Variants in CCDC187 observed in about 807,000 individuals in gnomAD.
CCDC187 encodes coiled-coil domain containing 187.
In CCDC187, 32 loss-of-function variants were observed where a neutral mutation model predicts 38.0. The observed-to-expected ratio is 0.84, with a 90% confidence interval of 0.64 to 1.13. The LOEUF (loss-of-function observed/expected upper bound fraction) is 1.13. CCDC187 is among the 50% of genes most tolerant of loss of function. CCDC187 has a pLI of 0.00. For synonymous variants in CCDC187, 333 were observed against 347.9 expected (o/e 0.96, Z 0.48); for missense variants, 707 against 786.8 (o/e 0.90, Z 1.21).
rs1218634792 is a variant in CCDC187 at position 136,250,675 on chromosome 9, C to G, written c.*2919G>C. On this transcript the variant is annotated 3_prime_UTR_variant, in exon 26 of 26. Transcript: ENST00000638797. The stretch of plus-strand genomic sequence containing the variant: ...AGCAGGAACACATTCCCCACTGGAT[C>G]CAAACATCTGCATTCTCAGGTGGGC... The G allele has an allele frequency of 4.4e-6, 2 of 451,430 alleles. No individual in the cohort carries two copies. Among genetic ancestry groups the G allele is most frequent in the Admixed American group, 2.4e-5 (1 of 42,294 alleles). The allele number at this position is 451,430 out of a possible 1,614,324, so 28.0% of individuals were successfully genotyped here. A position where few individuals can be genotyped will look rare whatever the true frequency, so the allele number is the denominator to read the frequency against.
rs868953153 is a variant in CCDC187, at chr9:136,250,737, G to A, written c.*2857C>T. 9 of 456,174 alleles carry A rather than the reference G, an allele frequency of 2.0e-5. No homozygotes were observed. The highest frequency in any genetic ancestry group is 1.2e-4 in the African/African-American group (6 of 50,086). The allele number at this position is 456,174 out of a possible 1,614,324, so 28.3% of individuals were successfully genotyped here. A position where few individuals can be genotyped will look rare whatever the true frequency, so the allele number is the denominator to read the frequency against. The stretch of plus-strand genomic sequence containing the variant: ...TGGTGCAAAATCAGATGCATGGCCC[G>A]AGCTGGGCTTCCTGTGCACATGGTG... On this transcript the variant is annotated 3_prime_UTR_variant, in exon 26 of 26. Coordinates refer to ENST00000638797, the MANE Select transcript of CCDC187 (RefSeq NM_001378188.1).
chr9:136,279,001 G>GT (rs1474435716), intron 10 of CCDC187, among the ~76,000 whole-genome samples: 2 of 152,244 alleles, frequency 1.3e-5, no homozygotes, highest in Admixed American at 1.3e-4. Context: ...TAGTCTACAT[G>GT]TTTAAGTCTA....
rs1164329273 is a variant in CCDC187 at position 136,264,952 on chromosome 9, A to C, written c.3735+1004T>G. Among the ~76,000 whole-genome samples, 1 of 152,006 alleles carries C rather than the reference A, an allele frequency of 6.6e-6. No homozygotes were observed. Among genetic ancestry groups the C allele is most frequent in the African/African-American group, 2.4e-5 (1 of 41,382 alleles). On this transcript the variant is annotated intron_variant, in intron 17 of 25. Transcript: ENST00000638797. This position sits in a 1 kb window ranked among gnomAD's most constrained non-coding sequence, Gnocchi z 4.3. ...TTTTTTGTAGAGACGGGGTCTTGCT[A>C]TGTTGCCCAGGCCTGTCTCACATTC...
At chr9:136,293,271 TCACACTAACATGCTCA>T (rs1831396441) in intron 4 of CCDC187, among the ~76,000 whole-genome samples, 1 of 133,098 alleles carries the variant, frequency 7.5e-6, no homozygotes, top group Admixed American at 7.7e-5. Context: ...ACTCATGCTT[TCACACTAACATGCTCA>T]CACACTCACA....
At chr9:136,266,441 A>C (rs1171421231) in intron 16 of CCDC187, 1 of 152,222 alleles carries the variant, frequency 6.6e-6, no homozygotes, top group Non-Finnish European at 1.5e-5. Context: ...CCGGGTGAGG[A>C]TGTTAACTGG....
chr9:136,270,228 C>T (rs975668059), intron 14 of CCDC187, among the ~76,000 whole-genome samples: 22 of 152,144 alleles, frequency 1.4e-4, no homozygotes, highest in African/African-American at 5.3e-4. Flanking sequence ...AAAGAGAAAA[C>T]AGCTGGGCCC....
At chr9:136,293,827 C>T (rs1212982878) in intron 4 of CCDC187, among the ~76,000 whole-genome samples, 1 of 146,110 alleles carries the variant, frequency 6.8e-6, no homozygotes, top group East Asian at 2.0e-4. Flanking sequence ...CTCACACTCA[C>T]ACTACCACAC....
intron 10 of CCDC187, among the ~76,000 whole-genome samples, chr9:136,278,400 G>A (rs1217399708): frequency 2.0e-5 from 3 of 152,218 alleles, no homozygotes; most frequent in Non-Finnish European, 4.4e-5. Flanking sequence ...GCTCTGAGCT[G>A]TGACCCCGGA....
At chr9:136,293,773 C>T (rs1831446129) in intron 4 of CCDC187, among the ~76,000 whole-genome samples, 1 of 151,768 alleles carries the variant, frequency 6.6e-6, no homozygotes, top group Non-Finnish European at 1.5e-5. Flanking sequence ...GACATGCTCA[C>T]ACACGGTCTC....
At position 136,267,445 on chromosome 9, in the gene CCDC187, G is replaced by C; in HGVS notation, c.3586C>G (p.Arg1196Gly). 1.0e-6 allele frequency: 1 copy of C among 985,596 alleles called. No individual in the cohort carries two copies. Among genetic ancestry groups the C allele is most frequent in the Non-Finnish European group, 1.2e-6 (1 of 830,054 alleles). 61.1% of individuals were successfully genotyped at this position (985,596 alleles called of 1,614,324 possible). A position where few individuals can be genotyped will look rare whatever the true frequency, so the allele number is the denominator to read the frequency against. The change falls in exon 16 of 26, where the codon CGA (arginine) becomes GGA (glycine). Residue 1196 changes from arginine (R) to glycine (G), a missense_variant. Transcript: ENST00000638797. ...GTTTTCTCCTGGAGCGCCATCTCTC[G>C]CAGGCGCAGCAGCGCGGCCTGGTGC... ...AQHQAALLRL[R>G]EMALQEKTLA...
intron 4 of CCDC187, among the ~76,000 whole-genome samples, chr9:136,294,622 C>A (rs967477489): frequency 7.2e-5 from 11 of 152,234 alleles, no homozygotes; most frequent in African/African-American, 2.7e-4. Context: ...TAGCACCCCC[C>A]AGACACGGCA....
intron 14 of CCDC187, among the ~76,000 whole-genome samples, chr9:136,270,173 C>T (rs1830816388): frequency 6.6e-6 from 1 of 152,134 alleles, no homozygotes; most frequent in African/African-American, 2.4e-5. Flanking sequence ...TCCCCATGTG[C>T]GGAGATGAGA....
At chr9:136,293,789 C>G (rs1297054310) in intron 4 of CCDC187, among the ~76,000 whole-genome samples, 1 of 152,120 alleles carries the variant, frequency 6.6e-6, no homozygotes, top group Non-Finnish European at 1.5e-5. Context: ...GTCTCATCCT[C>G]ACACACTTTC....
intron 12 of CCDC187, among the ~76,000 whole-genome samples, chr9:136,275,748 G>A (rs1047874071): frequency 6.6e-6 from 1 of 152,226 alleles, no homozygotes; most frequent in African/African-American, 2.4e-5. Context: ...GCTGCCTTTC[G>A]GAGGGGACAC....
chr9:136,300,999 G>T (rs1331544829), intron 2 of CCDC187, among the ~76,000 whole-genome samples: 1 of 152,214 alleles, frequency 6.6e-6, no homozygotes, highest in Non-Finnish European at 1.5e-5. Context: ...CACGACGCAG[G>T]CATCTCACAC....
chr9:136,252,264 C>T lies in CCDC187; in HGVS notation c.*1330G>A, dbSNP rs1830554458. ...CCCCGGGAAGGTCCAGGCGACCGTC[C>T]TGCGGAGCCGGCCGCCCACCTGGTC... On this transcript the variant is annotated 3_prime_UTR_variant, in exon 26 of 26. Transcript: ENST00000638797. The T allele has an allele frequency of 2.3e-5, 3 of 133,306 alleles. No homozygotes were observed. Among genetic ancestry groups the T allele is most frequent in the South Asian group, 3.3e-4 (2 of 6,134 alleles). The allele number at this position is 133,306 out of a possible 1,614,324, so 8.3% of individuals were successfully genotyped here.
intron 10 of CCDC187, 181 bp downstream of exon 10, chr9:136,281,370 G>A (rs983100674): frequency 1.8e-5 from 7 of 398,404 alleles, no homozygotes; most frequent in African/African-American, 8.2e-5. Flanking sequence ...CACAGAGCAC[G>A]CAGAGGGTCC....
chr9:136,262,452 G>A lies in CCDC187; in HGVS notation c.3923C>T (p.Pro1308Leu), dbSNP rs1830690856. 1.0e-6 allele frequency: 1 copy of A among 985,640 alleles called. No homozygotes were observed. Among genetic ancestry groups the A allele is most frequent in the Non-Finnish European group, 1.2e-6 (1 of 830,154 alleles). The allele number at this position is 985,640 out of a possible 1,614,324, so 61.1% of individuals were successfully genotyped here. A position where few individuals can be genotyped will look rare whatever the true frequency, so the allele number is the denominator to read the frequency against. Residue 1308 changes from proline to leucine, a missense_variant, in exon 19 of 26, where the codon CCC becomes CTC. Transcript: ENST00000638797. ...AQAKLQQGSS[P>L]KVKAAWEGGS... The stretch of plus-strand genomic sequence containing the variant: ...TCCCTCCCAGGCGGCCTTGACTTTG[G>A]GGCTGGAACCCTGTAAGAAATGGTG...
Position 136,254,019 on chromosome 9 carries a change from T to C in CCDC187, c.5809A>G (p.Thr1937Ala), listed in dbSNP as rs1165052734. 2 of 983,970 alleles carry C rather than the reference T, an allele frequency of 2.0e-6. No individual in the cohort carries two copies. The highest frequency in any genetic ancestry group is 2.4e-6 in the Non-Finnish European group (2 of 829,364). 61.0% of individuals were successfully genotyped at this position (983,970 alleles called of 1,614,324 possible). A position where few individuals can be genotyped will look rare whatever the true frequency, so the allele number is the denominator to read the frequency against. ...GGAGGAGCCTGCAGGGTCACCGGGG[T>C]CTCGGGCTCTGGCATGAGGTACGGG... ...KLPYLMPEPE[T>A]PVTLQAPPGD... The change falls in exon 26 of 26, where the codon ACC becomes GCC. Residue 1937 changes from threonine (T) to alanine (A), a missense_variant. Transcript: ENST00000638797.
Sources: gnomAD v4.1 joint callset for allele counts (sites outside exome capture counted in the v4.1 genomes callset) on GRCh38, gnomAD v4.1.1 for gene constraint, Gnocchi (gnomAD v3.1) non-coding constraint, MANE v1.5 for transcripts, NCBI Gene and HGNC (gene_info 2026-07-23, HGNC 2026-07-21) for gene names.